TMPRSS12: variants seen among roughly 807,000 people sequenced by gnomAD.
TMPRSS12 encodes the protein transmembrane serine protease 12.
A neutral mutation model predicts 26.0 loss-of-function variants in TMPRSS12; 25 were observed. The ratio of observed to expected loss-of-function variants is 0.96; its 90% confidence interval spans 0.70 to 1.34. The LOEUF (loss-of-function observed/expected upper bound fraction) is 1.34. Ranked by LOEUF, TMPRSS12 falls within the 40% of genes most tolerant of loss-of-function variation. The probability of loss-of-function intolerance (pLI) is 0.00; values close to 1 mark genes in which losing one functional copy is unlikely to be tolerated. For missense variants in TMPRSS12, 441 were observed against 440.1 expected (o/e 1.00, Z -0.02); for synonymous variants, 150 against 161.7 (o/e 0.93, Z 0.55).
intron 3 of TMPRSS12, among the ~76,000 whole-genome samples, chr12:50,865,315 A>T (rs976656145): frequency 4.6e-5 from 7 of 152,192 alleles, no homozygotes; most frequent in African/African-American, 1.7e-4. Flanking sequence ...CTGGGCAACG[A>T]GAGCAAGACT....
chr12:50,878,409 C>T (rs1465020137), intron 3 of TMPRSS12, among the ~76,000 whole-genome samples: 1 of 145,256 alleles, frequency 6.9e-6, no homozygotes, highest in Non-Finnish European at 1.5e-5. Flanking sequence ...CGGTGAGCCC[C>T]TATCTCTGCA....
intron 3 of TMPRSS12, among the ~76,000 whole-genome samples, chr12:50,866,713 C>G (rs922178704): frequency 6.6e-6 from 1 of 152,136 alleles, no homozygotes; most frequent in Non-Finnish European, 1.5e-5. Context: ...AGCTAAGAAC[C>G]TTCACAGAGT....
chr12:50,868,196 A>G (rs1456647251), intron 3 of TMPRSS12, among the ~76,000 whole-genome samples: 2 of 152,244 alleles, frequency 1.3e-5, no homozygotes, highest in African/African-American at 2.4e-5. Context: ...TAAAAGATAC[A>G]GAACTGCAGA....
At position 50,887,614 on chromosome 12, in the gene TMPRSS12, T is replaced by A. The variant is rs541704829; in HGVS notation, c.*101T>A. On this transcript the variant is annotated 3_prime_UTR_variant, in exon 5 of 5. Coordinates refer to ENST00000398458, the MANE Select transcript of TMPRSS12 (RefSeq NM_182559.3). ...TTCTTCTAGCAATTAATTGCCTACA[T>A]TAGAGATTTCATGTGAACATTTTAT... is the stretch of plus-strand genomic sequence containing the variant. 3 of 1,434,060 alleles carry A rather than the reference T, an allele frequency of 2.1e-6. No homozygotes were observed. Among genetic ancestry groups the A allele is most frequent in the African/African-American group, 1.4e-5 (1 of 70,274 alleles). The allele number at this position is 1,434,060 out of a possible 1,614,324, so 88.8% of individuals were successfully genotyped here.
intron 3 of TMPRSS12, among the ~76,000 whole-genome samples, chr12:50,874,028 C>T (rs1400110439): frequency 6.6e-6 from 1 of 151,826 alleles, no homozygotes; most frequent in Non-Finnish European, 1.5e-5. Flanking sequence ...ATAACTGGCT[C>T]AAGAAGAAAT....
intron 3 of TMPRSS12, among the ~76,000 whole-genome samples, chr12:50,879,475 C>T (rs1292268965): frequency 6.6e-6 from 1 of 152,174 alleles, no homozygotes; most frequent in Non-Finnish European, 1.5e-5. Flanking sequence ...ATATTATTAT[C>T]ATTCTGAAAA....
At chr12:50,857,620 G>A (rs1202411840) in intron 2 of TMPRSS12, among the ~76,000 whole-genome samples, 1 of 152,084 alleles carries the variant, frequency 6.6e-6, no homozygotes, top group African/African-American at 2.4e-5. Context: ...TTTAATTGTT[G>A]ATTGTTTCAA....
At chr12:50,847,114 A>G (rs1477920639) in intron 2 of TMPRSS12, among the ~76,000 whole-genome samples, 2 of 133,530 alleles carry the variant, frequency 1.5e-5, no homozygotes, top group African/African-American at 5.6e-5. Flanking sequence ...GCTGGAGTGC[A>G]GTGGCGCGAT....
intron 2 of TMPRSS12, 102 bp from the exon 3 acceptor site, chr12:50,858,683 G>A: frequency 1.1e-6 from 1 of 951,198 alleles, no homozygotes; most frequent in South Asian, 2.9e-5. Context: ...TGGAATTAAA[G>A]TTTTTTATTA....
At chr12:50,867,487 C>A (rs980459750) in intron 3 of TMPRSS12, among the ~76,000 whole-genome samples, 6 of 152,130 alleles carry the variant, frequency 3.9e-5, no homozygotes, top group Non-Finnish European at 8.8e-5. Context: ...TGTTAAACAA[C>A]CAAACCTAAG....
intron 3 of TMPRSS12, among the ~76,000 whole-genome samples, chr12:50,870,437 A>G (rs1938031543): frequency 6.6e-6 from 1 of 152,150 alleles, no homozygotes; most frequent in Non-Finnish European, 1.5e-5. Flanking sequence ...AAATCAACAT[A>G]CAAGGGATAT....
At chr12:50,869,896 A>G (rs915320738) in intron 3 of TMPRSS12, among the ~76,000 whole-genome samples, 1 of 152,218 alleles carries the variant, frequency 6.6e-6, no homozygotes, top group Admixed American at 6.5e-5. Flanking sequence ...CAGCCTGGCC[A>G]ACTTGGTGAA....
intron 3 of TMPRSS12, among the ~76,000 whole-genome samples, chr12:50,881,708 C>T (rs141784773): frequency 0.01 from 1,522 of 151,658 alleles, 30 homozygotes; most frequent in African/African-American, 0.035. Flanking sequence ...CTGTGGCTCA[C>T]GCCTGTAATC....
At chr12:50,885,892 T>C (rs150795315) in intron 4 of TMPRSS12, 214 of 171,652 alleles carry the variant, frequency 1.2e-3, no homozygotes, top group African/African-American at 4.9e-3. Flanking sequence ...GGTCTTGAAC[T>C]CCTGACCTCA....
chr12:50,883,645 C>T (rs1274974123), intron 3 of TMPRSS12, among the ~76,000 whole-genome samples: 3 of 152,184 alleles, frequency 2.0e-5, no homozygotes, highest in Non-Finnish European at 4.4e-5. Context: ...CACTGCACTC[C>T]AGCCTGGGTG....
In TMPRSS12 at chr12:50,872,557, A is replaced by ATAT. The variant is rs148577220; in HGVS notation, c.653-12689_653-12688insTAT. ...AAAAAAAAAAAGGAACTGTGAAAAA[A>ATAT]ATATATATATATGCCATATATATGT... On this transcript the variant is annotated intron_variant, in intron 3 of 4. Coordinates refer to ENST00000398458, the MANE Select transcript of TMPRSS12 (RefSeq NM_182559.3). Among the ~76,000 whole-genome samples, 82 of 101,418 alleles carry ATAT rather than the reference A, an allele frequency of 8.1e-4. 3 individuals carry two copies. The highest frequency in any genetic ancestry group is 1.2e-3 in the Non-Finnish European group (59 of 49,180). The allele number at this position is 101,418 out of a possible 152,430, so 66.5% of individuals were successfully genotyped here. A position where few individuals can be genotyped will look rare whatever the true frequency, so the allele number is the denominator to read the frequency against.
Position 50,872,853 on chromosome 12 carries a change from CAT to C in TMPRSS12, c.653-12386_653-12385del, listed in dbSNP as rs542793341. 6.5e-3 allele frequency among the ~76,000 whole-genome samples: 505 copies of C among 77,822 alleles called. 115 individuals are homozygous for C. The highest frequency in any genetic ancestry group is 0.019 in the African/African-American group (491 of 25,384). The allele number at this position is 77,822 out of a possible 152,430, so 51.1% of individuals were successfully genotyped here. ...CATATATATGACGTCTATATATGTA[CAT>C]ATATATGACTATATATGTACATATA... On this transcript the variant is annotated intron_variant, in intron 3 of 4. Transcript: ENST00000398458.
At position 50,843,150 on chromosome 12, in the gene TMPRSS12, G is replaced by A; in HGVS notation, c.186G>A (p.Glu62=). Residue 62 remains glutamate, a splice_region_variant and synonymous_variant, in exon 1 of 5, where the codon GAG becomes GAA. Coordinates refer to ENST00000398458, the MANE Select transcript of TMPRSS12 (RefSeq NM_182559.3). ...RRRREGGAHA[E]DCGTAPLKDV... ...GGAGGGAGGGAGGGGCGCATGCAGAGGGCAGTACCTGTTCGTGCCTGTCTC... is the reference window on the plus strand; with the variant it reads ...GGAGGGAGGGAGGGGCGCATGCAGAAGGCAGTACCTGTTCGTGCCTGTCTC... The A allele has an allele frequency of 6.4e-7, 1 of 1,557,322 alleles. No homozygotes were observed. Among genetic ancestry groups the A allele is most frequent in the Non-Finnish European group, 8.7e-7 (1 of 1,149,740 alleles).
At chr12:50,873,769 A>G (rs1938089097) in intron 3 of TMPRSS12, among the ~76,000 whole-genome samples, 1 of 152,148 alleles carries the variant, frequency 6.6e-6, no homozygotes, top group Non-Finnish European at 1.5e-5. Flanking sequence ...TAGTTCTCCC[A>G]TCTCCCACAC....
Sources: gnomAD v4.1 joint callset for allele counts (sites outside exome capture counted in the v4.1 genomes callset) on GRCh38, gnomAD v4.1.1 for gene constraint, MANE v1.5 for transcripts, NCBI Gene and HGNC (gene_info 2026-07-23, HGNC 2026-07-21) for gene names.